The following BRINP3 variants were observed in gnomAD, a reference collection of about 807,000 sequenced individuals.
The protein encoded by BRINP3 is BMP/retinoic acid-inducible neural-specific protein 3.
A neutral mutation model predicts 71.0 loss-of-function variants in BRINP3; 19 were observed. That is an observed-to-expected ratio of 0.27 (90% CI 0.19 to 0.39). The LOEUF is 0.39. Ranked by LOEUF, BRINP3 falls within the 10% of genes least tolerant of loss-of-function variation. BRINP3 has a pLI of 1.00. For synonymous variants in BRINP3, 380 were observed against 337.7 expected, an observed-to-expected ratio of 1.13 and a Z score of -1.37; for missense variants, 959 against 940.8, an observed-to-expected ratio of 1.02 and a Z score of -0.25.
At chr1:190,404,463 G>A (rs368587909) in intron 2 of BRINP3, among the ~76,000 whole-genome samples, 48 of 152,058 alleles carry the variant, frequency 3.2e-4, no homozygotes, top group Non-Finnish European at 5.9e-4. Flanking sequence ...TGCTCACGAC[G>A]TGTTATTTAT....
At chr1:190,211,909 C>T (rs1008086595) in intron 6 of BRINP3, among the ~76,000 whole-genome samples, 2 of 152,048 alleles carry the variant, frequency 1.3e-5, no homozygotes, top group Admixed American at 6.6e-5. Context: ...ATAATGGAAA[C>T]GGTGACCAAT....
intron 2 of BRINP3, among the ~76,000 whole-genome samples, chr1:190,365,835 T>TACACAC (rs943252110): frequency 3.6e-4 from 49 of 136,750 alleles, no homozygotes; most frequent in African/African-American, 1.3e-3. Context: ...TATATATATA[T>TACACAC]ACACACACAC....
chr1:190,244,563 A>G (rs962173061), intron 4 of BRINP3, among the ~76,000 whole-genome samples: 1 of 152,056 alleles, frequency 6.6e-6, no homozygotes, highest in Non-Finnish European at 1.5e-5. Flanking sequence ...CCATCCTGGA[A>G]GACGATGGCA....
At chr1:190,254,986 G>A (rs987428875) in intron 4 of BRINP3, among the ~76,000 whole-genome samples, 6 of 151,430 alleles carry the variant, frequency 4.0e-5, no homozygotes. Context: ...ATGAAGCGTT[G>A]TTGAATTTTG....
At chr1:190,237,451 T>C (rs1479897516) in intron 4 of BRINP3, among the ~76,000 whole-genome samples, 1 of 151,892 alleles carries the variant, frequency 6.6e-6, no homozygotes, top group Non-Finnish European at 1.5e-5. Flanking sequence ...AGATGCTAAC[T>C]GTGCCAAAAC....
intron 2 of BRINP3, among the ~76,000 whole-genome samples, chr1:190,419,690 T>TACAC (rs5779528): frequency 0.017 from 2,457 of 148,442 alleles, 65 homozygotes; most frequent in African/African-American, 0.048. Context: ...TATACATTTA[T>TACAC]ACACACACAC....
At chr1:190,159,503 G>T (rs1294383372) in intron 7 of BRINP3, among the ~76,000 whole-genome samples, 1 of 152,020 alleles carries the variant, frequency 6.6e-6, no homozygotes, top group Non-Finnish European at 1.5e-5. Flanking sequence ...ACAATATGTG[G>T]TATACCCATA....
At chr1:190,146,167 T>A (rs1200764523) in intron 7 of BRINP3, among the ~76,000 whole-genome samples, 1 of 152,162 alleles carries the variant, frequency 6.6e-6, no homozygotes, top group Non-Finnish European at 1.5e-5. Flanking sequence ...CTTATCCATG[T>A]AACCAGAAAC....
intron 2 of BRINP3, among the ~76,000 whole-genome samples, chr1:190,344,209 AC>A (rs1373894661): frequency 7.9e-5 from 12 of 151,776 alleles, no homozygotes; most frequent in Admixed American, 7.9e-4. Context: ...ATTTTTTGAG[AC>A]CTTTATATGC....
At chr1:190,277,920 T>C (rs1471455664) in intron 3 of BRINP3, among the ~76,000 whole-genome samples, 5 of 151,688 alleles carry the variant, frequency 3.3e-5, no homozygotes, top group Non-Finnish European at 7.4e-5. Flanking sequence ...CTGGTAGCTA[T>C]AAAATGAAAT....
chr1:190,138,099 C>A (rs1571809428), intron 7 of BRINP3, among the ~76,000 whole-genome samples: 1 of 152,100 alleles, frequency 6.6e-6, no homozygotes, highest in Non-Finnish European at 1.5e-5. Context: ...GGATTACAGG[C>A]ATGTACCAGC....
intron 6 of BRINP3, among the ~76,000 whole-genome samples, chr1:190,222,175 A>G (rs560326957): frequency 6.6e-6 from 1 of 152,112 alleles, no homozygotes; most frequent in African/African-American, 2.4e-5. Context: ...AAGCAACAAA[A>G]AAGTCTGAAT....
At chr1:190,135,597 A>T (rs759670199) in intron 7 of BRINP3, among the ~76,000 whole-genome samples, 2 of 152,098 alleles carry the variant, frequency 1.3e-5, no homozygotes, top group Non-Finnish European at 2.9e-5. Context: ...GCCAATGACA[A>T]ATATGTTTGT....
chr1:190,098,556 A>G lies in BRINP3; in HGVS notation c.1763T>C (p.Val588Ala). The G allele has an allele frequency of 6.2e-7, 1 of 1,614,172 alleles. No homozygotes were observed. The highest frequency in any genetic ancestry group is 8.5e-7 in the Non-Finnish European group (1 of 1,180,028). ...GSHSESWFMPVNENSFPDWER... is the reference protein window; with the variant it reads ...GSHSESWFMPANENSFPDWER... ...CCAGTCTGGAAAGCTGTTTTCATTC[A>G]CAGGCATAAACCAGCTCTCAGAGTG... is the stretch of plus-strand genomic sequence containing the variant. Residue 588 changes from valine to alanine, a missense_variant, in exon 8 of 8, where the codon GTG (valine) becomes GCG (alanine). Transcript: ENST00000367462.
chr1:190,460,800 T>A (rs1455880850), intron 1 of BRINP3, among the ~76,000 whole-genome samples: 1 of 152,206 alleles, frequency 6.6e-6, no homozygotes, highest in African/African-American at 2.4e-5. Context: ...CTCAAATTTT[T>A]AAGCCTAAAC....
chr1:190,369,228 C>G (rs1270931776), intron 2 of BRINP3, among the ~76,000 whole-genome samples: 1 of 151,938 alleles, frequency 6.6e-6, no homozygotes, highest in East Asian at 1.9e-4. Flanking sequence ...AATCGGGACT[C>G]CAACATCATA....
chr1:190,400,700 G>T (rs529522538), intron 2 of BRINP3, among the ~76,000 whole-genome samples: 1 of 152,118 alleles, frequency 6.6e-6, no homozygotes, highest in East Asian at 1.9e-4. Flanking sequence ...CACTAATTTT[G>T]TTCATTTGTC....
chr1:190,217,524 T>C (rs1281870764), intron 6 of BRINP3, among the ~76,000 whole-genome samples: 2 of 152,004 alleles, frequency 1.3e-5, no homozygotes, highest in Admixed American at 1.3e-4. Context: ...AATAAAATGT[T>C]TGGGTTCATT....
intron 7 of BRINP3, among the ~76,000 whole-genome samples, chr1:190,158,501 C>G (rs1157104380): frequency 6.6e-6 from 1 of 152,030 alleles, no homozygotes; most frequent in Non-Finnish European, 1.5e-5. Flanking sequence ...TTGAAAACCA[C>G]TGGGTACTAT....
Sources: allele counts gnomAD v4.1 joint callset (sites outside exome capture counted in the v4.1 genomes callset), GRCh38; gene constraint gnomAD v4.1.1; transcripts MANE v1.5; gene names NCBI Gene and HGNC (gene_info 2026-07-23, HGNC 2026-07-21).